Variants in NT5DC2 observed in about 807,000 individuals in gnomAD.
The protein encoded by NT5DC2 is 5'-nucleotidase domain-containing protein 2.
In NT5DC2, 41 loss-of-function variants were observed where a neutral mutation model predicts 70.0. The ratio of observed to expected loss-of-function variants is 0.59; its 90% CI spans 0.46 to 0.76. The LOEUF is 0.76. Among genes scored for constraint, NT5DC2 ranks in the 30% least tolerant of loss-of-function variants. The pLI, the probability that NT5DC2 is intolerant of heterozygous loss-of-function variation, is 0.00. For synonymous variants in NT5DC2, 299 were observed against 310.4 expected (o/e 0.96, Z 0.39); for missense variants, 705 against 783.2 (o/e 0.90, Z 1.19).
In NT5DC2 at chr3:52,528,861, C is replaced by T; in HGVS notation, c.492G>A (p.Lys164=). Residue 164 remains lysine, a splice_region_variant and synonymous_variant, in exon 3 of 14, where the codon AAG becomes AAA. Coordinates refer to ENST00000422318, the MANE Select transcript of NT5DC2 (RefSeq NM_001134231.2). ...CCCCTATACAGGTCCAGCCACTCAC[C>T]TTCTGAATGTCATAGTGGAGGCCAC... ...AIRGLHYDIQ[K]SLLMKIDAFH... is the part of the protein sequence containing the mutation. 3 of 1,614,002 alleles carry T rather than the reference C, an allele frequency of 1.9e-6. No homozygotes were observed. Among genetic ancestry groups the T allele is most frequent in the Non-Finnish European group, 2.5e-6 (3 of 1,179,954 alleles).
In NT5DC2 at chr3:52,533,791, C is replaced by G; in HGVS notation, c.-54G>C. On this transcript the variant is annotated 5_prime_UTR_variant, in exon 1 of 14. Coordinates refer to ENST00000422318, the MANE Select transcript of NT5DC2 (RefSeq NM_001134231.2). ...CTGCCCTCGGCCAGCCCGCCGCCCG[C>G]CGCCCGCCGCCCTCCGACTGCGCGC... The G allele has an allele frequency of 9.2e-6, 9 of 975,996 alleles. No homozygotes were observed. Among genetic ancestry groups the G allele is most frequent in the Non-Finnish European group, 1.1e-5 (9 of 824,512 alleles). 60.5% of individuals were successfully genotyped at this position (975,996 alleles called of 1,614,324 possible).
At chr3:52,525,622 T>C in intron 10 of NT5DC2, 1 of 299,534 alleles carries the variant, frequency 3.3e-6, no homozygotes, top group Non-Finnish European at 6.4e-6. Flanking sequence ...TCTGCAGCCC[T>C]GAAGTCCTTG....
intron 1 of NT5DC2, among the ~76,000 whole-genome samples, chr3:52,530,662 G>A (rs1430399651): frequency 6.6e-6 from 1 of 152,006 alleles, no homozygotes. Flanking sequence ...ACTGGTCTAA[G>A]CCATATAGCG....
chr3:52,525,439 G>T, intron 10 of NT5DC2, 144 bp from the exon 11 acceptor site: 1 of 640,742 alleles, frequency 1.6e-6, no homozygotes, highest in East Asian at 2.8e-5. Flanking sequence ...CCTGGGCCCT[G>T]GTTCTTGTCA....
rs1027972318 is a variant in NT5DC2 at position 52,532,370 on chromosome 3, C to T, written c.232+1136G>A. ...AAAGACTTCTTAAATAACGCTGGGC[C>T]GCCCCTCCACAGACACAAACTCAAC... On this transcript the variant is annotated intron_variant, in intron 1 of 13. Coordinates refer to ENST00000422318, the MANE Select transcript of NT5DC2 (RefSeq NM_001134231.2). 3.7e-5 allele frequency: 36 copies of T among 985,320 alleles called. No homozygotes were observed. The Admixed American group carries it at 5.5e-4, about 15-fold the overall frequency. 61.0% of individuals were successfully genotyped at this position (985,320 alleles called of 1,614,324 possible).
In NT5DC2 at chr3:52,524,635, A is replaced by G. The variant is rs1423945901; in HGVS notation, c.1509T>C (p.Ser503=). 5 of 1,613,140 alleles carry G rather than the reference A, an allele frequency of 3.1e-6. No individual in the cohort carries two copies. The highest frequency in any genetic ancestry group is 1.7e-5 in the Admixed American group (1 of 60,022). Residue 503 remains serine, a synonymous_variant, in exon 14 of 14, where the codon TCT becomes TCC. Coordinates refer to ENST00000422318, the MANE Select transcript of NT5DC2 (RefSeq NM_001134231.2). ...TYFSRRLVRF[S]DLYMASLSCL... is the part of the protein sequence containing the mutation. ...AGCTGAGGGAGGCCATGTAGAGGTC[A>G]GAGAAGCGCACGAGGCGCCTTGAGA...
intron 1 of NT5DC2, chr3:52,532,557 A>G: frequency 1.0e-6 from 1 of 968,460 alleles, no homozygotes; most frequent in African/African-American, 1.8e-5. Flanking sequence ...AGACAGGGCT[A>G]CTTTGTTTTA....
Position 52,525,030 on chromosome 3 carries a change from T to C in NT5DC2, c.1280A>G (p.Asn427Ser). The C allele has an allele frequency of 2.5e-6, 4 of 1,607,988 alleles. No homozygotes were observed. The highest frequency in any genetic ancestry group is 3.4e-6 in the Non-Finnish European group (4 of 1,177,982). ...PELEREIRII[N>S]TEQYMHSLTW... is the part of the protein sequence containing the mutation. ...CAGCGAGTGCATGTACTGCTCCGTG[T>C]TGATGATGCGGATCTCACGCTCCAG... is the stretch of plus-strand genomic sequence containing the variant. The change falls in exon 12 of 14, where the codon AAC becomes AGC. Residue 427 changes from asparagine (N) to serine (S), a missense_variant. Physicochemically the swap from Asn to Ser is conservative, Grantham distance 46. Coordinates refer to ENST00000422318, the MANE Select transcript of NT5DC2 (RefSeq NM_001134231.2).
At chr3:52,534,728 A>G (rs575129678), upstream of NT5DC2, 43 of 1,538,804 alleles carry the variant, frequency 2.8e-5, no homozygotes, top group Admixed American at 5.7e-4. Context: ...AGGCCGACCC[A>G]GTAGCCGTGG....
Position 52,528,215 on chromosome 3 carries a change from A to G in NT5DC2, c.739T>C (p.Phe247Leu). ...VDYFLGHSLE[F>L]DQAHLYKDVT... Reference sequence around the variant, plus strand: ...TCCTTGTAGAGATGTGCTTGGTCAAACTCCAGGCTGTGGCCCAGAAAGTAG... The same window carrying G: ...TCCTTGTAGAGATGTGCTTGGTCAAGCTCCAGGCTGTGGCCCAGAAAGTAG... Residue 247 changes from phenylalanine to leucine, a missense_variant, in exon 6 of 14, where the codon TTT becomes CTT. By Grantham distance (22) the Phe-to-Leu change is conservative. Coordinates refer to ENST00000422318, the MANE Select transcript of NT5DC2 (RefSeq NM_001134231.2). 6.2e-7 allele frequency: 1 copy of G among 1,612,982 alleles called. No individual in the cohort carries two copies. The highest frequency in any genetic ancestry group is 8.5e-7 in the Non-Finnish European group (1 of 1,179,932).
rs1258554105 is a variant in NT5DC2, at chr3:52,531,869, A to G, written c.232+1637T>C. ...AATCCTCACTCCCATCCTGTGAGGC[A>G]GTCCCACTTATTCCCCCATCGTCCG... On this transcript the variant is annotated intron_variant, in intron 1 of 13. Coordinates refer to ENST00000422318, the MANE Select transcript of NT5DC2 (RefSeq NM_001134231.2). This position sits in a 1 kb window ranked among gnomAD's most constrained non-coding sequence, Gnocchi z 4.1. 6.6e-6 allele frequency among the ~76,000 whole-genome samples: 1 copy of G among 152,202 alleles called. No individual in the cohort carries two copies. The highest frequency in any genetic ancestry group is 1.5e-5 in the Non-Finnish European group (1 of 68,038).
chr3:52,532,001 ACT>A (rs1343691102), intron 1 of NT5DC2, among the ~76,000 whole-genome samples: 3 of 151,592 alleles, frequency 2.0e-5, no homozygotes, highest in East Asian at 1.9e-4. Context: ...TGCATTAATC[ACT>A]CTGCCTCTCA....
At chr3:52,532,342 A>G in intron 1 of NT5DC2, 2 of 985,406 alleles carry the variant, frequency 2.0e-6, no homozygotes, top group Non-Finnish European at 2.4e-6. Flanking sequence ...CCGGGCCCAG[A>G]GCAAAGACTT....
At chr3:52,532,838 T>C (rs890980807) in intron 1 of NT5DC2, among the ~76,000 whole-genome samples, 2 of 151,986 alleles carry the variant, frequency 1.3e-5, no homozygotes, top group African/African-American at 4.8e-5. Context: ...CTCTGGGGCC[T>C]CACTAGTGCG....
chr3:52,528,473 T>G lies in NT5DC2; in HGVS notation c.615A>C (p.Leu205=). 1 of 1,613,700 alleles carries G rather than the reference T, an allele frequency of 6.2e-7. No individual in the cohort carries two copies. Among genetic ancestry groups the G allele is most frequent in the East Asian group, 2.2e-5 (1 of 44,870 alleles). Residue 205 remains leucine (L), a synonymous_variant, in exon 5 of 14, where the codon CTA becomes CTC. Transcript: ENST00000422318. ...ELYGGTQHIP[L]YQMSGFYGKG... is the part of the protein sequence containing the mutation. ...TGCCATAGAAGCCACTCATCTGGTATAGTGGGATGTGCTGGGTACCCCCAT... is the reference window on the plus strand; with the variant it reads ...TGCCATAGAAGCCACTCATCTGGTAGAGTGGGATGTGCTGGGTACCCCCAT...
chr3:52,525,286 A>AAGAAGTCAAACTCTCCC lies in NT5DC2; in HGVS notation c.1128_1129insGGGAGAGTTTGACTTCT (p.Phe377GlyfsTer4). On this transcript the variant is annotated stop_gained and frameshift_variant, in exon 11 of 14. Transcript: ENST00000422318. LOFTEE classifies it high-confidence loss of function. ...CATTCCGTCAAGCGTAAGAAGTCAAACAGGTTTCCCTAGGGAGAGGAGGGG... is the reference window on the plus strand; with the variant it reads ...CATTCCGTCAAGCGTAAGAAGTCAAAAGAAGTCAAACTCTCCCCAGGTTTCCCTAGGGAGAGGAGGGG... 1 of 1,612,544 alleles carries AAGAAGTCAAACTCTCCC rather than the reference A, an allele frequency of 6.2e-7. No individual in the cohort carries two copies. Among genetic ancestry groups the AAGAAGTCAAACTCTCCC allele is most frequent in the South Asian group, 1.1e-5 (1 of 90,932 alleles).
At position 52,528,433 on chromosome 3, in the gene NT5DC2, G is replaced by A; in HGVS notation, c.642+13C>T. On this transcript the variant is annotated intron_variant, in intron 5 of 13. Coordinates refer to ENST00000422318, the MANE Select transcript of NT5DC2 (RefSeq NM_001134231.2). ...TGTCCATGGGGCAGGCTGGCTGCTG[G>A]GGTATGGAGTACCTTGCCATAGAAG... 5.6e-6 allele frequency: 9 copies of A among 1,613,336 alleles called. No homozygotes were observed. The highest frequency in any genetic ancestry group is 6.8e-6 in the Non-Finnish European group (8 of 1,179,852).
At chr3:52,532,328 T>C in intron 1 of NT5DC2, 1 of 985,428 alleles carries the variant, frequency 1.0e-6, no homozygotes, top group East Asian at 1.1e-4. Flanking sequence ...TCTGAGGGTC[T>C]TCTCCGGGCC....
chr3:52,524,524 G>A lies in NT5DC2; in HGVS notation c.1620C>T (p.Leu540=), dbSNP rs1380224173. Residue 540 remains leucine, a synonymous_variant, in exon 14 of 14, where the codon CTC becomes CTT. Coordinates refer to ENST00000422318, the MANE Select transcript of NT5DC2 (RefSeq NM_001134231.2). ...QHEAPLWMDQ[L]CTGCMKTPFL... is the part of the protein sequence containing the mutation. Reference sequence around the variant, plus strand: ...AGGGGGTCTTCATGCAGCCGGTGCAGAGCTGGTCCATCCAGAGGGGTGCCT... The same window carrying A: ...AGGGGGTCTTCATGCAGCCGGTGCAAAGCTGGTCCATCCAGAGGGGTGCCT... 6.2e-7 allele frequency: 1 copy of A among 1,613,030 alleles called. No homozygotes were observed. Among genetic ancestry groups the A allele is most frequent in the East Asian group, 2.2e-5 (1 of 44,882 alleles).
Sources: allele counts gnomAD v4.1 joint callset (sites outside exome capture counted in the v4.1 genomes callset), GRCh38; gene constraint gnomAD v4.1.1; non-coding constraint Gnocchi (gnomAD v3.1); transcripts MANE v1.5; gene names NCBI Gene and HGNC (gene_info 2026-07-23, HGNC 2026-07-21).